The following PGAP2 variants were observed in gnomAD, a reference collection of about 807,000 sequenced individuals.
PGAP2 encodes acyltransferase PGAP2.
PGAP2 carries 21 observed loss-of-function variants against 33.2 expected under a neutral mutation model. That is an observed-to-expected ratio of 0.63 (90% CI 0.45 to 0.91). The LOEUF is 0.91. PGAP2 is among the 40% of genes least tolerant of loss of function. PGAP2 has a pLI of 0.00. For synonymous variants in PGAP2, 161 were observed against 172.9 expected (o/e 0.93, Z 0.54); for missense variants, 345 against 424.0 (o/e 0.81, Z 1.64).
chr11:3,804,656 A>G (rs139808093), upstream of PGAP2, among the ~76,000 whole-genome samples: 6 of 150,704 alleles, frequency 4.0e-5, no homozygotes, highest in African/African-American at 1.5e-4. Context: ...CAACCCAACA[A>G]ATATTTTCTT....
intron 2 of PGAP2, among the ~76,000 whole-genome samples, chr11:3,814,100 A>G (rs2086210739): frequency 6.6e-6 from 1 of 152,164 alleles, no homozygotes; most frequent in East Asian, 1.9e-4. Context: ...AGAAATGGCC[A>G]GCCCTAGGAA....
chr11:3,817,682 G>T, intron 3 of PGAP2, 147 bp downstream of exon 3: 1 of 715,136 alleles, frequency 1.4e-6, no homozygotes. Flanking sequence ...CAGAGTCAGA[G>T]ATAATTCATG....
intron 1 of PGAP2, among the ~76,000 whole-genome samples, chr11:3,810,053 A>C (rs1436386577): frequency 6.6e-6 from 1 of 152,192 alleles, no homozygotes; most frequent in Non-Finnish European, 1.5e-5. Flanking sequence ...CTAGCTTGGC[A>C]ACAACAAGCC....
At chr11:3,814,573 C>G (rs954399335) in intron 2 of PGAP2, among the ~76,000 whole-genome samples, 1 of 150,556 alleles carries the variant, frequency 6.6e-6, no homozygotes, top group South Asian at 2.1e-4. Context: ...TTTTTTCTTT[C>G]TTCTTCTTTT....
At chr11:3,799,505 C>T (rs774085737) in intron 1 of PGAP2, among the ~76,000 whole-genome samples, 21 of 152,072 alleles carry the variant, frequency 1.4e-4, no homozygotes, top group African/African-American at 4.6e-4. Flanking sequence ...CCTGCCACTG[C>T]GCTCCAGAGT....
intron 1 of PGAP2, among the ~76,000 whole-genome samples, chr11:3,802,897 G>A (rs1323002675): frequency 5.3e-5 from 8 of 150,220 alleles, no homozygotes; most frequent in Admixed American, 4.0e-4. Context: ...CACCATCTCG[G>A]CTCACTGCAA....
chr11:3,820,842 G>A (rs1475087944), intron 3 of PGAP2, among the ~76,000 whole-genome samples: 7 of 150,926 alleles, frequency 4.6e-5, no homozygotes, highest in African/African-American at 1.7e-4. Context: ...AATAAATAAA[G>A]AGAATTCATA....
intron 1 of PGAP2, among the ~76,000 whole-genome samples, chr11:3,802,358 G>A (rs560654545): frequency 2.0e-5 from 3 of 152,318 alleles, no homozygotes; most frequent in South Asian, 4.1e-4. Flanking sequence ...TGTGAAGCCA[G>A]GGGTTCCTTC....
At chr11:3,819,665 C>T (rs146729257) in intron 3 of PGAP2, among the ~76,000 whole-genome samples, 77 of 152,178 alleles carry the variant, frequency 5.1e-4, no homozygotes, top group African/African-American at 1.8e-3. Flanking sequence ...GGCTTATCCT[C>T]CCGTCTCTCA....
upstream of PGAP2, among the ~76,000 whole-genome samples, chr11:3,805,149 A>G (rs1007232017): frequency 1.3e-5 from 2 of 152,156 alleles, no homozygotes; most frequent in Non-Finnish European, 2.9e-5. Context: ...ACGAGTTCAC[A>G]CTGTGGCTGA....
chr11:3,810,065 A>G (rs2085231457), intron 1 of PGAP2, among the ~76,000 whole-genome samples: 1 of 152,234 alleles, frequency 6.6e-6, no homozygotes, highest in South Asian at 2.1e-4. Context: ...CAACAAGCCA[A>G]CGTTCCAGGG....
At chr11:3,802,486 G>C (rs192295132) in intron 1 of PGAP2, among the ~76,000 whole-genome samples, 155 of 152,274 alleles carry the variant, frequency 1.0e-3, no homozygotes, top group African/African-American at 3.7e-3. Context: ...GCCAAGCCCT[G>C]TCCTGGACAT....
Position 3,811,306 on chromosome 11 carries a change from G to A in PGAP2, c.47G>A (p.Arg16Gln), listed in dbSNP as rs144780584. The change falls in exon 2 of 7, where the codon CGG becomes CAG. Residue 16 changes from arginine to glutamine, a missense_variant. This residue lies in a region of PGAP2 where 34 missense variants were observed against 70.3 expected (regional missense o/e 0.48). Transcript: ENST00000278243. This position sits in a 1 kb window ranked among gnomAD's most constrained non-coding sequence, Gnocchi z 4.6. Reference sequence around the variant, plus strand: ...CTGGATCGGGATGGGACCCTGGTACGGCTCCGCTTCACCATGGTGGCCCTG... The same window carrying A: ...CTGGATCGGGATGGGACCCTGGTACAGCTCCGCTTCACCATGGTGGCCCTG... ...LPLDRDGTLV[R>Q]LRFTMVALVT... The A allele has an allele frequency of 1.6e-5, 26 of 1,613,968 alleles. No homozygotes were observed. In the African/African-American group the frequency reaches 1.9e-4, roughly 12 times the overall value.
chr11:3,813,633 C>T (rs2086092314), intron 2 of PGAP2, among the ~76,000 whole-genome samples: 1 of 152,216 alleles, frequency 6.6e-6, no homozygotes, highest in South Asian at 2.1e-4. Context: ...GATCCTCCCA[C>T]CTCGACTCCC....
At chr11:3,806,819 C>G (rs1464657049), upstream of PGAP2, among the ~76,000 whole-genome samples, 1 of 151,788 alleles carries the variant, frequency 6.6e-6, no homozygotes, top group African/African-American at 2.4e-5. Context: ...GTCAGGAATT[C>G]GAGACCAGCC....
Sources: allele counts gnomAD v4.1 joint callset (sites outside exome capture counted in the v4.1 genomes callset), GRCh38; gene constraint gnomAD v4.1.1; regional missense constraint gnomAD v4.1.1; non-coding constraint Gnocchi (gnomAD v3.1); transcripts MANE v1.5; gene names NCBI Gene and HGNC (gene_info 2026-07-23, HGNC 2026-07-21).